Variants in DOCK1 observed in about 807,000 individuals in gnomAD.
DOCK1 encodes dedicator of cytokinesis protein 1.
DOCK1 carries 138 observed loss-of-function variants against 262.7 expected under a neutral mutation model. That is an observed-to-expected ratio of 0.53 (90% confidence interval 0.46 to 0.61). DOCK1 has a LOEUF of 0.61. Among genes scored for constraint, DOCK1 ranks in the 20% least tolerant of loss-of-function variants. The pLI is 0.00. For synonymous variants in DOCK1, 866 were observed against 867.4 expected (o/e 1.00, Z 0.03); for missense variants, 1,908 against 2,370.7 (o/e 0.80, Z 4.05).
intron 2 of DOCK1, among the ~76,000 whole-genome samples, chr10:126,973,060 C>T (rs890533120): frequency 1.3e-5 from 2 of 151,880 alleles, no homozygotes; most frequent in South Asian, 4.1e-4. Context: ...AAGGGAAATG[C>T]TCTTGTATCT....
chr10:127,410,855 C>T lies in DOCK1; in HGVS notation c.4359C>T (p.Asn1453=), dbSNP rs199770436. The stretch of plus-strand genomic sequence containing the variant: ...CTCTGTACAGTTTTTACAGGGTGAA[C>T]GAGGTCCAGCGATTTGAATATTCTC... ...SEQIVSFYRV[N]EVQRFEYSRP... The change falls in exon 43 of 52, where the codon AAC becomes AAT. Residue 1453 remains asparagine (N), a synonymous_variant. Coordinates refer to ENST00000623213, the MANE Select transcript of DOCK1 (RefSeq NM_001290223.2). The T allele has an allele frequency of 7.3e-5, 117 of 1,613,774 alleles. No individual in the cohort carries two copies. The highest frequency in any genetic ancestry group is 7.1e-5 in the Non-Finnish European group (84 of 1,179,852).
intron 3 of DOCK1, among the ~76,000 whole-genome samples, chr10:126,978,269 C>T (rs2038698338): frequency 1.3e-5 from 2 of 152,068 alleles, no homozygotes; most frequent in African/African-American, 4.8e-5. Context: ...CTTTTTAGGT[C>T]TGTGTGTGTC....
chr10:127,161,183 G>T (rs2053562961), intron 27 of DOCK1, among the ~76,000 whole-genome samples: 1 of 152,178 alleles, frequency 6.6e-6, no homozygotes, highest in African/African-American at 2.4e-5. Flanking sequence ...AGCTAAAGTG[G>T]ATTTAGACTT....
intron 1 of DOCK1, 68 bp downstream of exon 1, chr10:126,905,631 G>T: frequency 3.9e-6 from 1 of 256,318 alleles, no homozygotes. Context: ...GGTGTGCCGG[G>T]CGCCTGTTGC....
chr10:127,405,441 CTTTT>C (rs36056116), intron 40 of DOCK1, among the ~76,000 whole-genome samples: 1 of 134,156 alleles, frequency 7.5e-6, no homozygotes, highest in Non-Finnish European at 1.6e-5. Flanking sequence ...TTTCTTATGA[CTTTT>C]TTTTTTTTTT....
chr10:126,951,119 G>T (rs1241121643), intron 1 of DOCK1, among the ~76,000 whole-genome samples: 1 of 151,874 alleles, frequency 6.6e-6, no homozygotes, highest in Non-Finnish European at 1.5e-5. Context: ...GTTGTTGGTA[G>T]TATTGTTGGT....
intron 23 of DOCK1, among the ~76,000 whole-genome samples, chr10:127,095,620 G>A (rs1364218593): frequency 1.3e-5 from 2 of 151,960 alleles, no homozygotes; most frequent in Non-Finnish European, 2.9e-5. Context: ...AATTTTGTGT[G>A]CCAGGCACCC....
At chr10:127,122,620 G>A (rs907014403) in intron 25 of DOCK1, among the ~76,000 whole-genome samples, 19 of 130,296 alleles carry the variant, frequency 1.5e-4, no homozygotes, top group Admixed American at 8.2e-4. Context: ...TATCAGGATG[G>A]TTATAACAAT....
intron 27 of DOCK1, among the ~76,000 whole-genome samples, chr10:127,166,901 G>A (rs918217632): frequency 6.6e-6 from 1 of 151,734 alleles, no homozygotes; most frequent in African/African-American, 2.4e-5. Flanking sequence ...TCGGTGGTGA[G>A]GCTTTTATTC....
chr10:127,394,062 C>T (rs1159186245), intron 38 of DOCK1, among the ~76,000 whole-genome samples: 1 of 152,006 alleles, frequency 6.6e-6, no homozygotes, highest in Non-Finnish European at 1.5e-5. Context: ...CGATAAAGCC[C>T]TTAATCCAAG....
chr10:127,447,661 C>A, intron 51 of DOCK1, 116 bp downstream of exon 51: 1 of 1,445,784 alleles, frequency 6.9e-7, no homozygotes. Flanking sequence ...ATGAGGAAAA[C>A]CATGTATGAT....
Position 126,981,945 on chromosome 10 carries a change from C to G in DOCK1, c.199C>G (p.Leu67Val). Residue 67 changes from leucine (L) to valine (V), a missense_variant, in exon 4 of 52, where the codon CTT (leucine) becomes GTT (valine). Leu to Val is a conservative substitution (Grantham distance 32). Coordinates refer to ENST00000623213, the MANE Select transcript of DOCK1 (RefSeq NM_001290223.2). ...KGIFPASYIH[L>V]KEAIVEGKGQ... The stretch of plus-strand genomic sequence containing the variant: ...TATATTTCCTGCTTCATATATTCAT[C>G]TTAAAGAAGCGATAGTTGAAGGAAA... 1.9e-6 allele frequency: 3 copies of G among 1,613,008 alleles called. No individual in the cohort carries two copies. Among genetic ancestry groups the G allele is most frequent in the Non-Finnish European group, 2.5e-6 (3 of 1,179,638 alleles).
At chr10:126,959,776 G>T (rs1442731483) in intron 1 of DOCK1, among the ~76,000 whole-genome samples, 1 of 152,150 alleles carries the variant, frequency 6.6e-6, no homozygotes, top group Non-Finnish European at 1.5e-5. Context: ...TAGACTGTTG[G>T]AAGTTGTCTT....
chr10:127,077,243 A>AAATTAGCT (rs1406902936), intron 23 of DOCK1, among the ~76,000 whole-genome samples: 1 of 151,900 alleles, frequency 6.6e-6, no homozygotes, highest in African/African-American at 2.4e-5. Context: ...AAATATACAA[A>AAATTAGCT]AATTAGCTGG....
At chr10:126,988,599 A>C (rs2039575105) in intron 5 of DOCK1, among the ~76,000 whole-genome samples, 1 of 152,232 alleles carries the variant, frequency 6.6e-6, no homozygotes, top group Non-Finnish European at 1.5e-5. Context: ...AAACAAAAAT[A>C]TGGCAACAAA....
Position 127,346,292 on chromosome 10 carries a change from G to A in DOCK1, c.3224+2546G>A, listed in dbSNP as rs1301546217. ...TTGGTGTGAGCGTTAAGAGCCTAAG[G>A]CAACATCAAGACATGCACTAACAGC... On this transcript the variant is annotated intron_variant, in intron 31 of 51. Coordinates refer to ENST00000623213, the MANE Select transcript of DOCK1 (RefSeq NM_001290223.2). Among the ~76,000 whole-genome samples the A allele has an allele frequency of 2.6e-5, 4 of 152,180 alleles. No individual in the cohort carries two copies. In the East Asian group the frequency reaches 5.8e-4, roughly 22 times the overall value.
At chr10:127,377,620 G>A (rs1388341282) in intron 35 of DOCK1, among the ~76,000 whole-genome samples, 9 of 152,002 alleles carry the variant, frequency 5.9e-5, no homozygotes, top group Admixed American at 2.0e-4. Context: ...AAATAGGTCC[G>A]GGTGTGGTGG....
intron 1 of DOCK1, among the ~76,000 whole-genome samples, chr10:126,964,128 T>C (rs1368167738): frequency 1.3e-5 from 2 of 152,234 alleles, no homozygotes; most frequent in African/African-American, 4.8e-5. Flanking sequence ...TGACTTGTTC[T>C]CCATCTTCAC....
intron 27 of DOCK1, among the ~76,000 whole-genome samples, chr10:127,228,022 T>C (rs1451749195): frequency 1.3e-5 from 2 of 152,226 alleles, no homozygotes; most frequent in Non-Finnish European, 2.9e-5. Flanking sequence ...TGACTCTTTC[T>C]TCCCCATTGC....
Sources: allele counts gnomAD v4.1 joint callset (sites outside exome capture counted in the v4.1 genomes callset), GRCh38; gene constraint gnomAD v4.1.1; transcripts MANE v1.5; gene names NCBI Gene and HGNC (gene_info 2026-07-23, HGNC 2026-07-21).